The following DTX4 variants were observed in gnomAD, a reference collection of about 807,000 sequenced individuals.
DTX4 encodes deltex E3 ubiquitin ligase 4.
A neutral mutation model predicts 57.6 loss-of-function variants in DTX4; 28 were observed. That is an observed-to-expected ratio of 0.49 (90% confidence interval 0.36 to 0.67). DTX4 has a LOEUF of 0.67. Ranked by LOEUF, DTX4 falls within the 30% of genes least tolerant of loss-of-function variation. DTX4 has a pLI of 0.00. For missense variants in DTX4, 715 were observed against 836.8 expected, an observed-to-expected ratio of 0.85 and a Z score of 1.80; for synonymous variants, 316 against 331.0, an observed-to-expected ratio of 0.95 and a Z score of 0.49.
chr11:59,206,348 C>T lies in DTX4; in HGVS notation c.*1439C>T, dbSNP rs1862807766. On this transcript the variant is annotated 3_prime_UTR_variant, in exon 9 of 9. Coordinates refer to ENST00000227451, the MANE Select transcript of DTX4 (RefSeq NM_015177.2). ...CCCAACATTCTTATTGCCTTTGGCTCCCAGTAAGGAACGAATTGGGGGCCA... is the reference window on the plus strand; with the variant it reads ...CCCAACATTCTTATTGCCTTTGGCTTCCAGTAAGGAACGAATTGGGGGCCA... 1 of 152,354 alleles carries T rather than the reference C, an allele frequency of 6.6e-6. No homozygotes were observed. The highest frequency in any genetic ancestry group is 1.5e-5 in the Non-Finnish European group (1 of 68,010). The allele number at this position is 152,354 out of a possible 1,614,324, so 9.4% of individuals were successfully genotyped here.
In DTX4 at chr11:59,205,761, A is replaced by C. The variant is rs1487876793; in HGVS notation, c.*852A>C. The C allele has an allele frequency of 6.5e-6, 1 of 152,816 alleles. No homozygotes were observed. 9.5% of individuals were successfully genotyped at this position (152,816 alleles called of 1,614,324 possible). ...CCCAACTCATTCTAGACCAGCTCAA[A>C]GATTCCATGAGTTTCATCGAGTCAC... On this transcript the variant is annotated 3_prime_UTR_variant, in exon 9 of 9. Coordinates refer to ENST00000227451, the MANE Select transcript of DTX4 (RefSeq NM_015177.2).
chr11:59,199,697 C>A lies in DTX4; in HGVS notation c.1550C>A (p.Pro517Gln). 1.3e-6 allele frequency: 2 copies of A among 1,576,066 alleles called. No individual in the cohort carries two copies. The highest frequency in any genetic ancestry group is 4.7e-5 in the East Asian group (2 of 42,546). The change falls in exon 8 of 9, where the codon CCG becomes CAG. Residue 517 changes from proline (P) to glutamine (Q), a missense_variant. Coordinates refer to ENST00000227451, the MANE Select transcript of DTX4 (RefSeq NM_015177.2). ...TTCTGCTTTCAGGGACCGGAACACC[C>A]GAATCCTGGGAAGAGTTTCAGCGCC... ...IPPGIQGPEH[P>Q]NPGKSFSARG... is the part of the protein sequence containing the mutation.
At position 59,172,273 on chromosome 11, in the gene DTX4, G is replaced by A. The variant is rs1193592162; in HGVS notation, c.-323G>A. ...GCTCGGGCCGCGCGCCCGCCGAGTG[G>A]CTTTTGCAAGGCGGGGGCCTGTTTG... On this transcript the variant is annotated 5_prime_UTR_variant, in exon 1 of 9. Coordinates refer to ENST00000227451, the MANE Select transcript of DTX4 (RefSeq NM_015177.2). Among the ~76,000 whole-genome samples, 1 of 152,012 alleles carries A rather than the reference G, an allele frequency of 6.6e-6. No homozygotes were observed. Among genetic ancestry groups the A allele is most frequent in the Non-Finnish European group, 1.5e-5 (1 of 67,946 alleles).
At chr11:59,191,084 G>A (rs370676905) in intron 4 of DTX4, 30 bp from the exon 5 acceptor site, 11 of 1,557,634 alleles carry the variant, frequency 7.1e-6, no homozygotes, top group East Asian at 2.4e-5. Flanking sequence ...CCTCTGCCTT[G>A]GTGGCCCACT....
intron 2 of DTX4, among the ~76,000 whole-genome samples, chr11:59,185,772 C>G (rs1197646453): frequency 6.6e-6 from 1 of 152,118 alleles, no homozygotes; most frequent in East Asian, 1.9e-4. Flanking sequence ...TTTATTCAGC[C>G]CAATGCCCCT....
chr11:59,188,871 GA>G, intron 3 of DTX4, 75 bp downstream of exon 3: 13 of 1,352,244 alleles, frequency 9.6e-6, no homozygotes, highest in Admixed American at 4.1e-5. Context: ...AGCATTTGTG[GA>G]AAAAAAGGAG....
At chr11:59,192,393 G>A in intron 6 of DTX4, 143 bp downstream of exon 6, 4 of 970,678 alleles carry the variant, frequency 4.1e-6, no homozygotes, top group South Asian at 1.5e-5. Context: ...GATCTTGGCT[G>A]TTCTCAGCAG....
chr11:59,179,580 C>T (rs1862436825), intron 1 of DTX4, among the ~76,000 whole-genome samples: 1 of 152,228 alleles, frequency 6.6e-6, no homozygotes, highest in Non-Finnish European at 1.5e-5. Context: ...GGCACCACCC[C>T]TGGGTCCCCT....
intron 7 of DTX4, among the ~76,000 whole-genome samples, chr11:59,199,200 G>T (rs1862711237): frequency 6.6e-6 from 1 of 152,228 alleles, no homozygotes; most frequent in Non-Finnish European, 1.5e-5. Context: ...TAAAAATCCA[G>T]AGTGTGCCTC....
chr11:59,179,310 G>A (rs1202587054), intron 1 of DTX4, among the ~76,000 whole-genome samples: 1 of 152,172 alleles, frequency 6.6e-6, no homozygotes, highest in Non-Finnish European at 1.5e-5. Context: ...GGTCCCCAGT[G>A]AAACCTCACT....
chr11:59,199,767 G>C lies in DTX4; in HGVS notation c.1620G>C (p.Gly540=). Residue 540 remains glycine (G), a synonymous_variant, in exon 8 of 9, where the codon GGG becomes GGC. Coordinates refer to ENST00000227451, the MANE Select transcript of DTX4 (RefSeq NM_015177.2). Reference sequence around the variant, plus strand: ...GTTACCTTCCGGACAGCGAGAAAGGGAGAAAAGTAAGACCGGAAGTTTCCA... The same window carrying C: ...GTTACCTTCCGGACAGCGAGAAAGGCAGAAAAGTAAGACCGGAAGTTTCCA... The part of the protein sequence containing the change: ...RHCYLPDSEK[G]RKVLKLLLVA... 1 of 1,560,938 alleles carries C rather than the reference G, an allele frequency of 6.4e-7. No individual in the cohort carries two copies. Among genetic ancestry groups the C allele is most frequent in the South Asian group, 1.2e-5 (1 of 84,442 alleles).
At position 59,181,894 on chromosome 11, in the gene DTX4, T is replaced by C. The variant is rs747017849; in HGVS notation, c.367T>C (p.Trp123Arg). 4.6e-5 allele frequency: 75 copies of C among 1,613,850 alleles called. 1 individual carries two copies. Among genetic ancestry groups the C allele is most frequent in the Non-Finnish European group, 6.2e-5 (73 of 1,179,878 alleles). ...IQHAYEKQHP[W>R]IDLTSIGFSY... ...GCATGCCTATGAGAAGCAGCACCCC[T>C]GGATCGACCTCACTTCCATTGGCTT... The change falls in exon 2 of 9, where the codon TGG (tryptophan) becomes CGG (arginine). Residue 123 changes from tryptophan to arginine, a missense_variant. By Grantham distance (101) the Trp-to-Arg change is moderately radical. Coordinates refer to ENST00000227451, the MANE Select transcript of DTX4 (RefSeq NM_015177.2).
At chr11:59,186,355 A>G (rs952242617) in intron 2 of DTX4, among the ~76,000 whole-genome samples, 1 of 152,196 alleles carries the variant, frequency 6.6e-6, no homozygotes. Flanking sequence ...ATGGGAACAA[A>G]GGTGGCTTTT....
At chr11:59,199,896 A>T (rs1862720751) in intron 8 of DTX4, 123 bp downstream of exon 8, 2 of 785,846 alleles carry the variant, frequency 2.5e-6, no homozygotes, top group East Asian at 5.4e-5. Flanking sequence ...TGTCTCTTTT[A>T]AGTCTAGATG....
At chr11:59,194,686 G>A (rs1217412535) in intron 6 of DTX4, among the ~76,000 whole-genome samples, 1 of 152,196 alleles carries the variant, frequency 6.6e-6, no homozygotes, top group East Asian at 1.9e-4. Context: ...CAGTCAGATG[G>A]CAGAGCTAAG....
chr11:59,186,951 T>A lies in DTX4; in HGVS notation c.936-1784T>A, dbSNP rs186897432. Among the ~76,000 whole-genome samples, 604 of 152,266 alleles carry A rather than the reference T, an allele frequency of 4.0e-3. 4 individuals carry two copies. The highest frequency in any genetic ancestry group is 0.013 in the African/African-American group (557 of 41,532). On this transcript the variant is annotated intron_variant, in intron 2 of 8. Coordinates refer to ENST00000227451, the MANE Select transcript of DTX4 (RefSeq NM_015177.2). ...AGACACAAACATTCCCATTCCCACATCTGTTCTTTCACATCCATCTCCCAG... is the reference window on the plus strand; with the variant it reads ...AGACACAAACATTCCCATTCCCACAACTGTTCTTTCACATCCATCTCCCAG...
intron 7 of DTX4, among the ~76,000 whole-genome samples, chr11:59,198,718 C>G (rs1273841475): frequency 6.6e-6 from 1 of 152,134 alleles, no homozygotes; most frequent in African/African-American, 2.4e-5. Flanking sequence ...GAACTTGTGC[C>G]AAGAGCTGCA....
chr11:59,182,123 G>A lies in DTX4; in HGVS notation c.596G>A (p.Ser199Asn), dbSNP rs759664917. 3.7e-6 allele frequency: 6 copies of A among 1,613,542 alleles called. No homozygotes were observed. Among genetic ancestry groups the A allele is most frequent in the Middle Eastern group, 1.6e-4 (1 of 6,062 alleles). Residue 199 changes from serine to asparagine, a missense_variant, in exon 2 of 9, where the codon AGT becomes AAT. Ser to Asn is a conservative substitution (Grantham distance 46). Transcript: ENST00000227451. ...TGTCCCCAGTGTGTCTTGGTGATGA[G>A]TGTTAAGGCAGCCGTGGTCAATGGC... ...CSCPQCVLVM[S>N]VKAAVVNGST... is the part of the protein sequence containing the mutation.
intron 1 of DTX4, among the ~76,000 whole-genome samples, chr11:59,173,529 C>A (rs1565214316): frequency 6.6e-6 from 1 of 152,134 alleles, no homozygotes; most frequent in Non-Finnish European, 1.5e-5. Flanking sequence ...CTCGGGGCTT[C>A]GGAATGCATG....
Sources: gnomAD v4.1 joint callset for allele counts (sites outside exome capture counted in the v4.1 genomes callset) on GRCh38, gnomAD v4.1.1 for gene constraint, MANE v1.5 for transcripts, NCBI Gene and HGNC (gene_info 2026-07-23, HGNC 2026-07-21) for gene names.